Variants in KIZ observed in about 807,000 individuals in gnomAD.
KIZ encodes the protein centrosomal protein kizuna.
In KIZ, 68 loss-of-function variants were observed where a neutral mutation model predicts 79.6. The observed-to-expected ratio is 0.85, with a 90% CI of 0.70 to 1.05. KIZ has a LOEUF of 1.05. Among genes scored for constraint, KIZ ranks in the 50% least tolerant of loss-of-function variants. The pLI, the probability that KIZ is intolerant of heterozygous loss-of-function variation, is 0.00. For missense variants in KIZ, 797 were observed against 800.4 expected, an observed-to-expected ratio of 1.00 and a Z score of 0.05; for synonymous variants, 280 against 281.8, an observed-to-expected ratio of 0.99 and a Z score of 0.06.
chr20:21,226,852 C>T (rs1001177684), intron 9 of KIZ, among the ~76,000 whole-genome samples: 1 of 152,160 alleles, frequency 6.6e-6, no homozygotes, highest in Non-Finnish European at 1.5e-5. Flanking sequence ...CGGTGACTCT[C>T]CTTGGAGAAG....
chr20:21,149,409 C>T (rs1350355265), intron 4 of KIZ, among the ~76,000 whole-genome samples: 2 of 152,198 alleles, frequency 1.3e-5, no homozygotes, highest in African/African-American at 4.8e-5. Flanking sequence ...CCTAAACTGC[C>T]CATGTTTGCA....
At chr20:21,163,938 A>G (rs1191992292) in intron 6 of KIZ, among the ~76,000 whole-genome samples, 1 of 152,236 alleles carries the variant, frequency 6.6e-6, no homozygotes, top group Non-Finnish European at 1.5e-5. Context: ...TAGGGGTAGA[A>G]GGAACCTAAG....
At position 21,214,415 on chromosome 20, in the gene KIZ, A is replaced by G. The variant is rs749651616; in HGVS notation, c.1447-120A>G. On this transcript the variant is annotated intron_variant, in intron 7 of 12. Transcript: ENST00000619189. ...TTTTAATTTCATTTAAATGTGGGAA[A>G]CAGATTAAATCCTAAGTAAAGCTTA... 339 of 646,224 alleles carry G rather than the reference A, an allele frequency of 5.2e-4. 2 individuals are homozygous for G. The highest frequency in any genetic ancestry group is 4.5e-4 in the Middle Eastern group (1 of 2,222). The allele number at this position is 646,224 out of a possible 1,614,324, so 40.0% of individuals were successfully genotyped here.
At chr20:21,161,821 T>A in intron 4 of KIZ, 50 bp from the exon 5 acceptor site, 3 of 1,338,734 alleles carry the variant, frequency 2.2e-6, no homozygotes, top group Non-Finnish European at 3.1e-6. Context: ...AAACCCCACC[T>A]AATTGTTTAT....
rs529251192 is a variant in KIZ, at chr20:21,245,132, A to G, written c.1924+844A>G. 5.9e-5 allele frequency: 9 copies of G among 152,298 alleles called. No homozygotes were observed. The East Asian group carries it at 1.7e-3, about 29-fold the overall frequency. The allele number at this position is 152,298 out of a possible 1,614,324, so 9.4% of individuals were successfully genotyped here. On this transcript the variant is annotated intron_variant, in intron 12 of 12. Transcript: ENST00000619189. ...TACCTTAAATTAAAGGTATAATTTG[A>G]TTAATAGTTTTACTGACAATAACAA...
Position 21,201,074 on chromosome 20 carries a change from G to A in KIZ, c.1353-4417G>A, listed in dbSNP as rs1429870360. On this transcript the variant is annotated intron_variant, in intron 6 of 12. Coordinates refer to ENST00000619189, the MANE Select transcript of KIZ (RefSeq NM_018474.6). ...GGCGCACACCTATAGTGTCAGTTAG[G>A]AGGCTGAGGCAGGAGGACTGCTTGA... is the stretch of plus-strand genomic sequence containing the variant. 3.3e-5 allele frequency among the ~76,000 whole-genome samples: 5 copies of A among 152,230 alleles called. No homozygotes were observed. In the East Asian group the frequency reaches 7.7e-4, roughly 24 times the overall value.
At chr20:21,182,250 G>A (rs570808480) in intron 6 of KIZ, among the ~76,000 whole-genome samples, 2 of 152,180 alleles carry the variant, frequency 1.3e-5, no homozygotes, top group South Asian at 2.1e-4. Context: ...CGCCCCCACC[G>A]TCTGAGGACA....
At chr20:21,149,593 G>A (rs775049650) in intron 4 of KIZ, among the ~76,000 whole-genome samples, 1 of 152,210 alleles carries the variant, frequency 6.6e-6, no homozygotes, top group Non-Finnish European at 1.5e-5. Context: ...GCATGTGTCC[G>A]AGGTGCTCCC....
rs140747463 is a variant in KIZ, at chr20:21,222,513, G to C, written c.1679-6498G>C. On this transcript the variant is annotated intron_variant, in intron 9 of 12. Coordinates refer to ENST00000619189, the MANE Select transcript of KIZ (RefSeq NM_018474.6). ...ACAGGAGACTCAGAGACAAAATCAG[G>C]CTTTAAATATTTTAATAAAATGAGG... 4.7e-3 allele frequency among the ~76,000 whole-genome samples: 711 copies of C among 152,286 alleles called. 10 individuals carry two copies. Among genetic ancestry groups the C allele is most frequent in the African/African-American group, 0.016 (664 of 41,562 alleles).
At chr20:21,207,394 A>G (rs1040364335) in intron 7 of KIZ, among the ~76,000 whole-genome samples, 5 of 151,642 alleles carry the variant, frequency 3.3e-5, no homozygotes, top group Non-Finnish European at 5.9e-5. Flanking sequence ...AAATTCACAT[A>G]TGTTGTTACC....
intron 6 of KIZ, chr20:21,194,688 A>G (rs552268004): frequency 1.8e-4 from 27 of 152,262 alleles, no homozygotes; most frequent in African/African-American, 6.5e-4. Context: ...TGTAACAACA[A>G]CCATTATAAA....
At chr20:21,172,675 T>G (rs1054046050) in intron 6 of KIZ, among the ~76,000 whole-genome samples, 7 of 152,020 alleles carry the variant, frequency 4.6e-5, no homozygotes, top group African/African-American at 7.2e-5. Flanking sequence ...TAATACAAGA[T>G]ATAAGATAGT....
At chr20:21,238,171 C>G (rs1358506495) in intron 11 of KIZ, among the ~76,000 whole-genome samples, 1 of 151,900 alleles carries the variant, frequency 6.6e-6, no homozygotes, top group Admixed American at 6.6e-5. Context: ...ATTGTGCTTC[C>G]TGAGTGAGTA....
chr20:21,149,691 G>A (rs80118893), intron 4 of KIZ, among the ~76,000 whole-genome samples: 1,981 of 152,312 alleles, frequency 0.013, 34 homozygotes, highest in African/African-American at 0.046. Context: ...CATTCCAGAT[G>A]TGTTCCCAGG....
chr20:21,135,407 A>C (rs994720117), intron 2 of KIZ, among the ~76,000 whole-genome samples: 6 of 152,222 alleles, frequency 3.9e-5, no homozygotes, highest in Non-Finnish European at 7.3e-5. Context: ...ACCAGCCTTC[A>C]GTTTTTATTC....
chr20:21,136,959 T>C (rs184167473), intron 3 of KIZ, among the ~76,000 whole-genome samples: 1 of 152,354 alleles, frequency 6.6e-6, no homozygotes, highest in Non-Finnish European at 1.5e-5. Context: ...GATTCTTCTT[T>C]AGTTAAGGAA....
chr20:21,159,692 G>A (rs1033147986), intron 4 of KIZ, among the ~76,000 whole-genome samples: 2 of 152,208 alleles, frequency 1.3e-5, no homozygotes, highest in African/African-American at 4.8e-5. Context: ...ACAGGTATCA[G>A]TAATTCATCT....
At chr20:21,203,480 A>G (rs1477768718) in intron 6 of KIZ, among the ~76,000 whole-genome samples, 1 of 152,246 alleles carries the variant, frequency 6.6e-6, no homozygotes, top group Non-Finnish European at 1.5e-5. Flanking sequence ...CTGTGGGTTC[A>G]AATGTCGAAA....
Position 21,162,065 on chromosome 20 carries a change from C to T in KIZ, c.600C>T (p.Ser200=). The stretch of plus-strand genomic sequence containing the variant: ...ATTCACACCGACAGACAGCCCAGAG[C>T]AGTAATGTGACAGACAGCTGTGTAG... ...DPHSHRQTAQ[S]SNVTDSCVVQ... Residue 200 remains serine (S), a synonymous_variant, in exon 5 of 13, where the codon AGC becomes AGT. Coordinates refer to ENST00000619189, the MANE Select transcript of KIZ (RefSeq NM_018474.6). 1 of 1,613,780 alleles carries T rather than the reference C, an allele frequency of 6.2e-7. No homozygotes were observed. Among genetic ancestry groups the T allele is most frequent in the Non-Finnish European group, 8.5e-7 (1 of 1,179,752 alleles).
Sources: gnomAD v4.1 joint callset for allele counts (sites outside exome capture counted in the v4.1 genomes callset) on GRCh38, gnomAD v4.1.1 for gene constraint, MANE v1.5 for transcripts, NCBI Gene and HGNC (gene_info 2026-07-23, HGNC 2026-07-21) for gene names.